The following LYPD1 variants were observed in gnomAD, a reference collection of about 807,000 sequenced individuals.
The protein encoded by LYPD1 is LY6/PLAUR domain containing 1, also known as ly6/PLAUR domain-containing protein 1.
In LYPD1, 14 loss-of-function variants were observed where a neutral mutation model predicts 14.2. The observed-to-expected ratio is 0.99, with a 90% CI of 0.65 to 1.54. The LOEUF is 1.54. Among genes scored for constraint, LYPD1 ranks in the 40% most tolerant of loss-of-function variants. LYPD1 has a pLI of 0.00. For synonymous variants in LYPD1, 85 were observed against 70.6 expected (o/e 1.20, Z -1.02); for missense variants, 165 against 175.7 (o/e 0.94, Z 0.34).
In LYPD1 at chr2:132,645,328, C is replaced by T. The variant is rs373375266; in HGVS notation, c.*717G>A. The T allele has an allele frequency of 5.3e-5, 86 of 1,614,206 alleles. No individual in the cohort carries two copies. Among genetic ancestry groups the T allele is most frequent in the Middle Eastern group, 1.6e-4 (1 of 6,062 alleles). ...GGTGTTCGTGCAGGTGCTGTGCTGC[C>T]GCCTGTCGCTGCAGCACGCCAACCA... On this transcript the variant is annotated 3_prime_UTR_variant, in exon 3 of 3. Coordinates refer to ENST00000397463, the MANE Select transcript of LYPD1 (RefSeq NM_144586.7).
At chr2:132,650,661 A>C (rs1388109413) in intron 2 of LYPD1, among the ~76,000 whole-genome samples, 1 of 151,334 alleles carries the variant, frequency 6.6e-6, no homozygotes, top group Non-Finnish European at 1.5e-5. Context: ...AAAGCAAAGT[A>C]TGTCTGGAAG....
At position 132,645,146 on chromosome 2, in the gene LYPD1, T is replaced by C; in HGVS notation, c.*899A>G. 2 of 1,614,148 alleles carry C rather than the reference T, an allele frequency of 1.2e-6. No individual in the cohort carries two copies. The highest frequency in any genetic ancestry group is 2.2e-5 in the South Asian group (2 of 91,064). ...GCCGTATGCTGGATGCCCAACCAGA[T>C]TCGGAGGATCATGGCTGCGGCCAAA... On this transcript the variant is annotated 3_prime_UTR_variant, in exon 3 of 3. Coordinates refer to ENST00000397463, the MANE Select transcript of LYPD1 (RefSeq NM_144586.7).
At chr2:132,652,241 C>G (rs1026952782) in intron 2 of LYPD1, among the ~76,000 whole-genome samples, 2 of 152,020 alleles carry the variant, frequency 1.3e-5, no homozygotes, top group Non-Finnish European at 2.9e-5. Flanking sequence ...AACGTAAGCT[C>G]CAGCAATCAG....
chr2:132,645,841 C>T lies in LYPD1; in HGVS notation c.*204G>A. 3.0e-6 allele frequency: 2 copies of T among 669,616 alleles called. No individual in the cohort carries two copies. The highest frequency in any genetic ancestry group is 4.9e-6 in the Non-Finnish European group (2 of 406,280). The allele number at this position is 669,616 out of a possible 1,614,324, so 41.5% of individuals were successfully genotyped here. A position where few individuals can be genotyped will look rare whatever the true frequency, so the allele number is the denominator to read the frequency against. On this transcript the variant is annotated 3_prime_UTR_variant, in exon 3 of 3. Coordinates refer to ENST00000397463, the MANE Select transcript of LYPD1 (RefSeq NM_144586.7). ...TCACTCCACCTCCTTCCTTCAAGTA[C>T]ATACTGAAAATTCAGTCAGGCTGAA... is the stretch of plus-strand genomic sequence containing the variant.
chr2:132,653,625 G>A (rs184348465), intron 2 of LYPD1, among the ~76,000 whole-genome samples: 5 of 152,282 alleles, frequency 3.3e-5, no homozygotes, highest in South Asian at 2.1e-4. Flanking sequence ...GAGAAACAGT[G>A]TATTTATATA....
Position 132,669,577 on chromosome 2 carries a change from C to A in LYPD1, c.52+304G>T, listed in dbSNP as rs1272824417. ...TCGGGAGATGTCGCCCCCTCTCCCT[C>A]GCCCAGAACCCAGCACCGCTCGGAC... is the stretch of plus-strand genomic sequence containing the variant. On this transcript the variant is annotated intron_variant, in intron 1 of 2. Transcript: ENST00000397463. This position sits in a 1 kb window ranked among gnomAD's most constrained non-coding sequence, Gnocchi z 4.3. 1.3e-5 allele frequency among the ~76,000 whole-genome samples: 2 copies of A among 152,110 alleles called. No homozygotes were observed. Among genetic ancestry groups the A allele is most frequent in the Non-Finnish European group, 2.9e-5 (2 of 68,012 alleles).
At chr2:132,649,879 G>A (rs999754670) in intron 2 of LYPD1, among the ~76,000 whole-genome samples, 1 of 150,896 alleles carries the variant, frequency 6.6e-6, no homozygotes, top group Non-Finnish European at 1.5e-5. Context: ...AACCTTGGGA[G>A]ATTTTTTTTT....
rs751907608 is a variant in LYPD1, at chr2:132,645,390, C to T, written c.*655G>A. Reference sequence around the variant, plus strand: ...TGCGCGTACATGCGCACTCCACCACCGACAGCGCCCGCTTTGTGCAGCGCC... The same window carrying T: ...TGCGCGTACATGCGCACTCCACCACTGACAGCGCCCGCTTTGTGCAGCGCC... On this transcript the variant is annotated 3_prime_UTR_variant, in exon 3 of 3. Transcript: ENST00000397463. 9.9e-6 allele frequency: 16 copies of T among 1,613,632 alleles called. No individual in the cohort carries two copies. The highest frequency in any genetic ancestry group is 2.2e-5 in the East Asian group (1 of 44,894).
chr2:132,670,383 C>G (rs1683624356), upstream of LYPD1, among the ~76,000 whole-genome samples: 1 of 152,148 alleles, frequency 6.6e-6, no homozygotes, highest in Non-Finnish European at 1.5e-5. This position sits in a 1 kb window ranked among gnomAD's most constrained non-coding sequence, Gnocchi z 4.5. Flanking sequence ...CCGCACGTTC[C>G]TGGGAAAGGG....
At chr2:132,650,184 A>G (rs7562087) in intron 2 of LYPD1, among the ~76,000 whole-genome samples, 17,973 of 152,216 alleles carry the variant, frequency 0.12, 3,460 homozygotes, top group African/African-American at 0.41. Context: ...GTTCACAGAA[A>G]ACGCAACAGA....
At chr2:132,659,684 C>T (rs781504510) in intron 2 of LYPD1, among the ~76,000 whole-genome samples, 1 of 152,196 alleles carries the variant, frequency 6.6e-6, no homozygotes, top group Non-Finnish European at 1.5e-5. Flanking sequence ...TCATCAGCCT[C>T]CAGGTGTGGC....
At chr2:132,665,062 T>A (rs551748918) in intron 2 of LYPD1, among the ~76,000 whole-genome samples, 1 of 152,324 alleles carries the variant, frequency 6.6e-6, no homozygotes, top group South Asian at 2.1e-4. Flanking sequence ...GCCAGTACCT[T>A]ATTATTCCAG....
Position 132,643,494 on chromosome 2 carries a change from G to C in LYPD1, c.*2551C>G, listed in dbSNP as rs895628493. ...GAGGCTCAATTCTGGATGTGTGAAT[G>C]TGGCTGTTTTTTCCTGGAGCATTTA... is the stretch of plus-strand genomic sequence containing the variant. On this transcript the variant is annotated 3_prime_UTR_variant, in exon 3 of 3. Transcript: ENST00000397463. 6.6e-6 allele frequency among the ~76,000 whole-genome samples: 1 copy of C among 152,198 alleles called. No homozygotes were observed. Among genetic ancestry groups the C allele is most frequent in the African/African-American group, 2.4e-5 (1 of 41,462 alleles).
At chr2:132,664,106 A>G (rs917575956) in intron 2 of LYPD1, among the ~76,000 whole-genome samples, 3 of 152,138 alleles carry the variant, frequency 2.0e-5, no homozygotes, top group South Asian at 2.1e-4. Flanking sequence ...CATGCACTCA[A>G]AAGAATACAG....
chr2:132,647,836 G>A (rs962532871), intron 2 of LYPD1, among the ~76,000 whole-genome samples: 17 of 152,108 alleles, frequency 1.1e-4, no homozygotes, highest in Admixed American at 7.9e-4. Flanking sequence ...TTTTGGCTCC[G>A]TCCTCGAGAA....
chr2:132,670,377 A>C (rs1573771819), upstream of LYPD1, among the ~76,000 whole-genome samples: 1 of 151,896 alleles, frequency 6.6e-6, no homozygotes, highest in Non-Finnish European at 1.5e-5. This position sits in a 1 kb window ranked among gnomAD's most constrained non-coding sequence, Gnocchi z 4.5. Flanking sequence ...CCGCCTCCGC[A>C]CGTTCCTGGG....
Position 132,668,495 on chromosome 2 carries a change from T to C in LYPD1, c.95A>G (p.Gln32Arg). ...QIQCYQCEEF[Q>R]LNNDCSSPEF... ...GGGGGAGGAGCAGTCGTTGTTCAGC[T>C]GGAATTCTTCACACTGGTAGCACTG... Residue 32 changes from glutamine to arginine, a missense_variant, in exon 2 of 3, where the codon CAG becomes CGG. Transcript: ENST00000397463. The C allele has an allele frequency of 6.2e-7, 1 of 1,612,154 alleles. No homozygotes were observed. Among genetic ancestry groups the C allele is most frequent in the Non-Finnish European group, 8.5e-7 (1 of 1,179,140 alleles).
rs1681929132 is a variant in LYPD1 at position 132,644,014 on chromosome 2, A to G, written c.*2031T>C. Among the ~76,000 whole-genome samples, 1 of 152,238 alleles carries G rather than the reference A, an allele frequency of 6.6e-6. No individual in the cohort carries two copies. Among genetic ancestry groups the G allele is most frequent in the Admixed American group, 6.5e-5 (1 of 15,292 alleles). The stretch of plus-strand genomic sequence containing the variant: ...CTGCTTTAAGGTAGCAGCTCTCTAC[A>G]GGGGAATTTACTGTGGGTGTCTTGG... On this transcript the variant is annotated 3_prime_UTR_variant, in exon 3 of 3. Transcript: ENST00000397463.
intron 2 of LYPD1, among the ~76,000 whole-genome samples, chr2:132,650,432 T>A (rs893468527): frequency 2.6e-5 from 4 of 152,208 alleles, no homozygotes; most frequent in African/African-American, 9.7e-5. Context: ...ATGCATGTAC[T>A]CTGTGACCTA....
Sources: allele counts gnomAD v4.1 joint callset (sites outside exome capture counted in the v4.1 genomes callset), GRCh38; gene constraint gnomAD v4.1.1; non-coding constraint Gnocchi (gnomAD v3.1); transcripts MANE v1.5; gene names NCBI Gene and HGNC (gene_info 2026-07-23, HGNC 2026-07-21).